TWIST1: variants seen among roughly 807,000 people sequenced by gnomAD.
TWIST1 encodes the protein twist family bHLH transcription factor 1, also known as twist-related protein 1.
Under a neutral mutation model 12.9 loss-of-function variants are expected in TWIST1, and 8 were observed. The ratio of observed to expected loss-of-function variants is 0.62; its 90% CI spans 0.37 to 1.12. The LOEUF is 1.12. TWIST1 is among the 50% of genes most tolerant of loss of function. The pLI is 0.02. For synonymous variants in TWIST1, 169 were observed against 138.7 expected (o/e 1.22, Z -1.54); for missense variants, 268 against 299.7 (o/e 0.89, Z 0.78).
chr7:19,116,319 T>C (rs1788564379), intron 1 of TWIST1, among the ~76,000 whole-genome samples, 188 bp from the exon 2 acceptor site: 1 of 152,198 alleles, frequency 6.6e-6, no homozygotes, highest in Non-Finnish European at 1.5e-5. Flanking sequence ...GAATTTGTTT[T>C]AAAACATTTG....
chr7:19,117,065 C>T lies in TWIST1; in HGVS notation c.257G>A (p.Gly86Asp). Residue 86 changes from glycine to aspartate, a missense_variant, in exon 1 of 2, where the codon GGC becomes GAC. Around this residue, in one of 2 missense-constraint regions of TWIST1, gnomAD observed 189 missense variants for 172.1 expected, o/e 1.10. Transcript: ENST00000242261. ...GCTGCTGCCGCCGCCGCCGCCCGCG[C>T]CGCCGCCGCCGCCACAGCCCGCAGA... ...KKSAGCGGGG[G>D]AGGGGGSSSG... 7.3e-7 allele frequency: 1 copy of T among 1,378,924 alleles called. No individual in the cohort carries two copies. The highest frequency in any genetic ancestry group is 9.3e-7 in the Non-Finnish European group (1 of 1,073,208). 85.4% of individuals were successfully genotyped at this position (1,378,924 alleles called of 1,614,324 possible).
At position 19,116,699 on chromosome 7, in the gene TWIST1, G is replaced by A. The variant is rs1369591313; in HGVS notation, c.*14C>T. The A allele has an allele frequency of 6.3e-7, 1 of 1,592,706 alleles. No homozygotes were observed. The highest frequency in any genetic ancestry group is 8.5e-7 in the Non-Finnish European group (1 of 1,170,540). ...GGTCTCCGGCCCTGCTGAGGGGGTG[G>A]GGGGCTCCGCCTGCTAGTGGGACGC... On this transcript the variant is annotated 3_prime_UTR_variant, in exon 1 of 2. Coordinates refer to ENST00000242261, the MANE Select transcript of TWIST1 (RefSeq NM_000474.4).
chr7:19,116,342 C>G (rs1303287373), intron 1 of TWIST1, among the ~76,000 whole-genome samples: 1 of 152,120 alleles, frequency 6.6e-6, no homozygotes, highest in East Asian at 1.9e-4. Flanking sequence ...TTAAGGAGAA[C>G]AAAAATTGAA....
Position 19,116,708 on chromosome 7 carries a change from G to C in TWIST1, c.*5C>G, listed in dbSNP as rs1353667669. 6.2e-7 allele frequency: 1 copy of C among 1,600,280 alleles called. No individual in the cohort carries two copies. Among genetic ancestry groups the C allele is most frequent in the African/African-American group, 1.3e-5 (1 of 74,662 alleles). The stretch of plus-strand genomic sequence containing the variant: ...CCCTGCTGAGGGGGTGGGGGGCTCC[G>C]CCTGCTAGTGGGACGCGGACATGGA... On this transcript the variant is annotated 3_prime_UTR_variant, in exon 1 of 2. Transcript: ENST00000242261.
chr7:19,114,498 C>CA (rs1336627829), downstream of TWIST1, among the ~76,000 whole-genome samples: 1 of 152,154 alleles, frequency 6.6e-6, no homozygotes, highest in East Asian at 1.9e-4. Context: ...AGAACTGATA[C>CA]AAAATCACTA....
Position 19,116,661 on chromosome 7 carries a change from C to T in TWIST1, c.*42+10G>A. The T allele has an allele frequency of 6.5e-7, 1 of 1,545,068 alleles. No individual in the cohort carries two copies. The highest frequency in any genetic ancestry group is 8.7e-7 in the Non-Finnish European group (1 of 1,145,988). On this transcript the variant is annotated intron_variant, in intron 1 of 1. Coordinates refer to ENST00000242261, the MANE Select transcript of TWIST1 (RefSeq NM_000474.4). ...TGAGAGGCGAAGGGGTGCAGCGGCG[C>T]GGTCCTTACCTAGGTCTCCGGCCCT...
At chr7:19,114,691 A>C (rs941657618), downstream of TWIST1, among the ~76,000 whole-genome samples, 2 of 152,166 alleles carry the variant, frequency 1.3e-5, no homozygotes, top group African/African-American at 4.8e-5. Flanking sequence ...ATATAACGCT[A>C]ATGAACTGAC....
rs1192214031 is a variant in TWIST1 at position 19,117,325 on chromosome 7, T to C, written c.-4A>G. 1.4e-6 allele frequency: 2 copies of C among 1,461,108 alleles called. No individual in the cohort carries two copies. The highest frequency in any genetic ancestry group is 1.8e-6 in the Non-Finnish European group (2 of 1,108,694). The allele number at this position is 1,461,108 out of a possible 1,614,324, so 90.5% of individuals were successfully genotyped here. On this transcript the variant is annotated 5_prime_UTR_variant, in exon 1 of 2. Coordinates refer to ENST00000242261, the MANE Select transcript of TWIST1 (RefSeq NM_000474.4). ...AGCTGGACACGTCCTGCATCATCTC[T>C]CGAGCGGCGACGCGTGGCCTCGCGG...
In TWIST1 at chr7:19,116,932, C is replaced by T. The variant is rs574367856; in HGVS notation, c.390G>A (p.Ala130=). Residue 130 remains alanine (A), a synonymous_variant, in exon 1 of 2, where the codon GCG becomes GCA. Transcript: ENST00000242261. ...GCAGCGTGGGGATGATCTTCCGCAG[C>T]GCGGCGAACGCCTCGTTCAGCGACT... The part of the protein sequence containing the change: ...RTQSLNEAFA[A]LRKIIPTLPS... 2 of 1,613,994 alleles carry T rather than the reference C, an allele frequency of 1.2e-6. No individual in the cohort carries two copies. The highest frequency in any genetic ancestry group is 1.3e-5 in the African/African-American group (1 of 75,062).
chr7:19,116,537 G>C (rs1025205148), intron 1 of TWIST1, 134 bp downstream of exon 1: 6 of 770,560 alleles, frequency 7.8e-6, no homozygotes, highest in Non-Finnish European at 1.2e-5. Context: ...GCGAGGCAAC[G>C]GTGCCAAGTG....
In TWIST1 at chr7:19,117,035, C is replaced by G. The variant is rs747020030; in HGVS notation, c.287G>C (p.Gly96Ala). 1 of 1,480,864 alleles carries G rather than the reference C, an allele frequency of 6.8e-7. No homozygotes were observed. Among genetic ancestry groups the G allele is most frequent in the South Asian group, 1.4e-5 (1 of 72,770 alleles). 91.7% of individuals were successfully genotyped at this position (1,480,864 alleles called of 1,614,324 possible). ...GAGGGGGSSS[G>A]GGSPQSYEEL... ...CTCGTAAGACTGCGGACTCCCGCCGCCGCTGCTGCTGCCGCCGCCGCCGCC... is the reference window on the plus strand; with the variant it reads ...CTCGTAAGACTGCGGACTCCCGCCGGCGCTGCTGCTGCCGCCGCCGCCGCC... Residue 96 changes from glycine to alanine, a missense_variant, in exon 1 of 2, where the codon GGC becomes GCC. By Grantham distance (60) the Gly-to-Ala change is moderately conservative. Transcript: ENST00000242261.
In TWIST1 at chr7:19,117,515, G is replaced by A; in HGVS notation, c.-194C>T. 2.5e-6 allele frequency: 3 copies of A among 1,187,750 alleles called. No homozygotes were observed. Among genetic ancestry groups the A allele is most frequent in the Non-Finnish European group, 3.2e-6 (3 of 950,734 alleles). 73.6% of individuals were successfully genotyped at this position (1,187,750 alleles called of 1,614,324 possible). A position where few individuals can be genotyped will look rare whatever the true frequency, so the allele number is the denominator to read the frequency against. ...GAGGCGGGGAGGGAGGCGGGAGGGG[G>A]AGGGGACGGTGTGGATGGCCCCGAG... On this transcript the variant is annotated 5_prime_UTR_variant, in exon 1 of 2. Coordinates refer to ENST00000242261, the MANE Select transcript of TWIST1 (RefSeq NM_000474.4).
Position 19,117,611 on chromosome 7 carries a change from C to T in TWIST1, c.-290G>A. On this transcript the variant is annotated 5_prime_UTR_variant, in exon 1 of 2. Transcript: ENST00000242261. ...CCTCCTGGAAACGGTGCCGGTGCTG[C>T]AGAGCCCGCGAGGTGTCTGGGAGTT... 9.3e-7 allele frequency: 1 copy of T among 1,074,292 alleles called. No individual in the cohort carries two copies. The highest frequency in any genetic ancestry group is 1.1e-6 in the Non-Finnish European group (1 of 877,878). 66.5% of individuals were successfully genotyped at this position (1,074,292 alleles called of 1,614,324 possible).
At chr7:19,116,644 G>T in intron 1 of TWIST1, 27 bp downstream of exon 1, 1 of 1,517,094 alleles carries the variant, frequency 6.6e-7, no homozygotes, top group East Asian at 2.5e-5. Flanking sequence ...CCTGAGAGGC[G>T]AAGGGGTGCA....
chr7:19,117,257 T>C lies in TWIST1; in HGVS notation c.65A>G (p.Glu22Gly). 6.8e-7 allele frequency: 1 copy of C among 1,462,010 alleles called. No homozygotes were observed. Among genetic ancestry groups the C allele is most frequent in the Non-Finnish European group, 9.0e-7 (1 of 1,109,748 alleles). The allele number at this position is 1,462,010 out of a possible 1,614,324, so 90.6% of individuals were successfully genotyped here. ...CGGCGGCTGCTGCCGGTCTGGCTCT[T>C]CCTCGCTGTTGCTCAGGCTGTCGTC... ...PADDSLSNSEEEPDRQQPPSG... is the reference protein window; with the variant it reads ...PADDSLSNSEGEPDRQQPPSG... The change falls in exon 1 of 2, where the codon GAA (glutamate) becomes GGA (glycine). Residue 22 changes from glutamate to glycine, a missense_variant. Glu to Gly is a moderately conservative substitution (Grantham distance 98). Around this residue, in one of 2 missense-constraint regions of TWIST1, gnomAD observed 189 missense variants for 172.1 expected, o/e 1.10. Transcript: ENST00000242261.
rs1222871556 is a variant in TWIST1 at position 19,117,486 on chromosome 7, G to C, written c.-165C>G. On this transcript the variant is annotated 5_prime_UTR_variant, in exon 1 of 2. Coordinates refer to ENST00000242261, the MANE Select transcript of TWIST1 (RefSeq NM_000474.4). ...AGGGACCTCCGCGGGGAGGGCGCGC[G>C]GGGGAGGCGGGGAGGGAGGCGGGAG... is the stretch of plus-strand genomic sequence containing the variant. 1 of 1,191,556 alleles carries C rather than the reference G, an allele frequency of 8.4e-7. No individual in the cohort carries two copies. Among genetic ancestry groups the C allele is most frequent in the African/African-American group, 1.6e-5 (1 of 61,530 alleles). 73.8% of individuals were successfully genotyped at this position (1,191,556 alleles called of 1,614,324 possible).
At chr7:19,116,534 A>T in intron 1 of TWIST1, 137 bp downstream of exon 1, 2 of 758,988 alleles carry the variant, frequency 2.6e-6, no homozygotes, top group Non-Finnish European at 4.2e-6. Context: ...GGCGCGAGGC[A>T]ACGGTGCCAA....
At chr7:19,113,474 T>C (rs1269487326), downstream of TWIST1, 1 of 152,152 alleles carries the variant, frequency 6.6e-6, no homozygotes, top group African/African-American at 2.4e-5. Context: ...AAAGAAGATA[T>C]AATGGTGGAG....
chr7:19,117,490 G>A lies in TWIST1; in HGVS notation c.-169C>T. 1 of 1,190,928 alleles carries A rather than the reference G, an allele frequency of 8.4e-7. No individual in the cohort carries two copies. Among genetic ancestry groups the A allele is most frequent in the Non-Finnish European group, 1.0e-6 (1 of 954,630 alleles). 73.8% of individuals were successfully genotyped at this position (1,190,928 alleles called of 1,614,324 possible). ...ACCTCCGCGGGGAGGGCGCGCGGGG[G>A]AGGCGGGGAGGGAGGCGGGAGGGGG... On this transcript the variant is annotated 5_prime_UTR_variant, in exon 1 of 2. Coordinates refer to ENST00000242261, the MANE Select transcript of TWIST1 (RefSeq NM_000474.4).
Sources: gnomAD v4.1 joint callset for allele counts (sites outside exome capture counted in the v4.1 genomes callset) on GRCh38, gnomAD v4.1.1 for gene constraint, gnomAD v4.1.1 regional missense constraint, MANE v1.5 for transcripts, NCBI Gene and HGNC (gene_info 2026-07-23, HGNC 2026-07-21) for gene names.